Variants in RNF6 observed in about 807,000 individuals in gnomAD.
RNF6 encodes the protein E3 ubiquitin-protein ligase RNF6.
In RNF6, 21 loss-of-function variants were observed where a neutral mutation model predicts 50.1. The observed-to-expected ratio is 0.42, with a 90% CI of 0.30 to 0.60. The LOEUF is 0.60. Ranked by LOEUF, RNF6 falls within the 20% of genes least tolerant of loss-of-function variation. RNF6 has a pLI of 0.20. For missense variants in RNF6, 698 were observed against 838.2 expected (o/e 0.83, Z 2.07); for synonymous variants, 255 against 291.8 (o/e 0.87, Z 1.29).
chr13:26,188,227 T>G (rs932751), intron 5 of RNF6, among the ~76,000 whole-genome samples: 1 of 152,104 alleles, frequency 6.6e-6, no homozygotes, highest in Non-Finnish European at 1.5e-5. Context: ...ATTCTATAAG[T>G]GTAAACTGGT....
chr13:26,137,305 C>CTT (rs201680309), intron 5 of RNF6, among the ~76,000 whole-genome samples: 1 of 150,396 alleles, frequency 6.6e-6, no homozygotes, highest in Non-Finnish European at 1.5e-5. Context: ...AACTAAAGAG[C>CTT]TTTTTTTTTA....
At chr13:26,197,667 C>A (rs571453569) in intron 5 of RNF6, among the ~76,000 whole-genome samples, 1 of 151,968 alleles carries the variant, frequency 6.6e-6, no homozygotes, top group African/African-American at 2.4e-5. Context: ...GCTCTTTTCT[C>A]TACTGCAATA....
At chr13:26,154,782 C>T (rs549866253) in intron 5 of RNF6, among the ~76,000 whole-genome samples, 1 of 152,288 alleles carries the variant, frequency 6.6e-6, no homozygotes, top group African/African-American at 2.4e-5. Flanking sequence ...GTAATCCTAG[C>T]ACTTTGGGAG....
rs57373126 is a variant in RNF6, at chr13:26,148,632, TTATATATATATATATA to T, written n.769-16197_769-16182del. Among the ~76,000 whole-genome samples the T allele has an allele frequency of 1.0e-3, 48 of 47,068 alleles. 1 individual carries two copies. Among genetic ancestry groups the T allele is most frequent in the South Asian group, 2.7e-3 (4 of 1,490 alleles). 30.9% of individuals were successfully genotyped at this position (47,068 alleles called of 152,430 possible). On this transcript the variant is annotated intron_variant and non_coding_transcript_variant, in intron 5 of 5. Coordinates refer to the RNF6 transcript ENST00000468480. ...AATAGAAACAATAGTATAAATCTCT[TTATATATATATATATA>T]TATATATATATATATATATATATGA...
At chr13:26,182,494 A>G (rs61946763) in intron 5 of RNF6, among the ~76,000 whole-genome samples, 29,921 of 152,170 alleles carry the variant, frequency 0.2, 3,894 homozygotes, top group East Asian at 0.57. Context: ...TTCATTGTAA[A>G]TGGTATTTTT....
Position 26,214,929 on chromosome 13 carries a change from T to C in RNF6, c.953A>G (p.Gln318Arg). The change falls in exon 5 of 5, where the codon CAG (glutamine) becomes CGG (arginine). Residue 318 changes from glutamine (Q) to arginine (R), a missense_variant. By Grantham distance (43) the Gln-to-Arg change is conservative. Transcript: ENST00000381588. Reference protein sequence around the residue: ...NSRSRSPIQRQSGTVYHNSQR... With the variant: ...NSRSRSPIQRRSGTVYHNSQR... ...GGAATTATGATAAACAGTGCCACTC[T>C]GTCTCTGAATTGGTGAACGGCTTCG... is the stretch of plus-strand genomic sequence containing the variant. The C allele has an allele frequency of 6.2e-7, 1 of 1,614,268 alleles. No homozygotes were observed. The highest frequency in any genetic ancestry group is 8.5e-7 in the Non-Finnish European group (1 of 1,180,048).
chr13:26,187,431 C>T (rs1873609061), intron 5 of RNF6, among the ~76,000 whole-genome samples: 1 of 152,176 alleles, frequency 6.6e-6, no homozygotes, highest in African/African-American at 2.4e-5. Flanking sequence ...AAAAATGCCT[C>T]TTTTCTGGAT....
intron 5 of RNF6, among the ~76,000 whole-genome samples, chr13:26,148,632 TTATATA>T (rs57373126): frequency 0.022 from 1,029 of 47,066 alleles, 37 homozygotes; most frequent in African/African-American, 0.053. Context: ...ATAAATCTCT[TTATATA>T]TATATATATA....
At chr13:26,149,668 C>T (rs914672300) in intron 5 of RNF6, among the ~76,000 whole-genome samples, 1 of 151,340 alleles carries the variant, frequency 6.6e-6, no homozygotes, top group Admixed American at 6.6e-5. Context: ...ATTTTAGTTT[C>T]ATTTTGCCCT....
chr13:26,174,430 C>A (rs1027498369), intron 5 of RNF6, among the ~76,000 whole-genome samples: 6 of 152,008 alleles, frequency 3.9e-5, no homozygotes, highest in African/African-American at 1.4e-4. Flanking sequence ...GCAGGTGGAT[C>A]ACTTGAGGTC....
At chr13:26,203,527 T>C (rs545712384) in intron 5 of RNF6, among the ~76,000 whole-genome samples, 1 of 152,360 alleles carries the variant, frequency 6.6e-6, no homozygotes, top group East Asian at 1.9e-4. Context: ...TTGTCACACC[T>C]TTGGGTGTGA....
At chr13:26,136,405 A>T (rs1223950589) in intron 5 of RNF6, among the ~76,000 whole-genome samples, 1 of 152,210 alleles carries the variant, frequency 6.6e-6, no homozygotes, top group Non-Finnish European at 1.5e-5. Flanking sequence ...CATCTTCCAG[A>T]ACAAGTGTGA....
At chr13:26,219,258 T>C (rs1870219528) in intron 3 of RNF6, 199 bp downstream of exon 3, 2 of 495,618 alleles carry the variant, frequency 4.0e-6, no homozygotes, top group East Asian at 6.2e-5. Flanking sequence ...GTGCTCCATG[T>C]CCCCTATTTT....
chr13:26,142,295 G>A (rs547968428), intron 5 of RNF6: 1 of 152,216 alleles, frequency 6.6e-6, no homozygotes, highest in South Asian at 2.1e-4. Context: ...ATGCAAACTT[G>A]TTCAACCACT....
chr13:26,134,905 AAG>A (rs1227639224), intron 5 of RNF6, among the ~76,000 whole-genome samples: 14 of 152,210 alleles, frequency 9.2e-5, no homozygotes, highest in Non-Finnish European at 7.3e-5. Context: ...TATTTTTAAA[AAG>A]ATGATGTATT....
At chr13:26,153,234 G>C (rs1871725879) in intron 5 of RNF6, among the ~76,000 whole-genome samples, 1 of 150,518 alleles carries the variant, frequency 6.6e-6, no homozygotes, top group African/African-American at 2.5e-5. Context: ...TTTTTTCCAA[G>C]ATGGAGTCTT....
chr13:26,147,558 A>G (rs1871314676), intron 5 of RNF6, among the ~76,000 whole-genome samples: 1 of 152,170 alleles, frequency 6.6e-6, no homozygotes, highest in Non-Finnish European at 1.5e-5. Context: ...TTCACTGACA[A>G]AGAAGACCCA....
At chr13:26,204,216 C>T (rs1055448070) in intron 5 of RNF6, among the ~76,000 whole-genome samples, 6 of 152,048 alleles carry the variant, frequency 3.9e-5, no homozygotes, top group African/African-American at 1.4e-4. Flanking sequence ...AGAAATAAGG[C>T]CGGGCGCAAT....
chr13:26,154,845 C>T (rs1871822027), intron 5 of RNF6, among the ~76,000 whole-genome samples: 1 of 152,046 alleles, frequency 6.6e-6, no homozygotes, highest in African/African-American at 2.4e-5. Flanking sequence ...GCCTGGCCAA[C>T]ATGGCAAAAC....
Sources: allele counts gnomAD v4.1 joint callset (sites outside exome capture counted in the v4.1 genomes callset), GRCh38; gene constraint gnomAD v4.1.1; transcripts MANE v1.5; gene names NCBI Gene and HGNC (gene_info 2026-07-23, HGNC 2026-07-21).